The following ADAMTSL1 variants were observed in gnomAD, a reference collection of about 807,000 sequenced individuals.
ADAMTSL1 encodes the protein ADAMTS-like protein 1.
ADAMTSL1 carries 126 observed loss-of-function variants against 201.8 expected under a neutral mutation model. That is an observed-to-expected ratio of 0.62 (90% CI 0.54 to 0.72). The LOEUF (loss-of-function observed/expected upper bound fraction) is 0.72. ADAMTSL1 is among the 30% of genes least tolerant of loss of function. The pLI is 0.00. For missense variants in ADAMTSL1, 2,679 were observed against 2,277.8 expected (o/e 1.18, Z -3.59); for synonymous variants, 1,121 against 903.4 (o/e 1.24, Z -4.32).
intron 2 of ADAMTSL1, among the ~76,000 whole-genome samples, chr9:18,252,165 T>C (rs933131319): frequency 6.6e-6 from 1 of 152,064 alleles, no homozygotes; most frequent in African/African-American, 2.4e-5. Flanking sequence ...TTGCAGTACA[T>C]AGGAAAAATG....
At chr9:18,831,761 T>G (rs1433394231) in intron 23 of ADAMTSL1, among the ~76,000 whole-genome samples, 1 of 152,198 alleles carries the variant, frequency 6.6e-6, no homozygotes, top group East Asian at 1.9e-4. Flanking sequence ...TGTAACTGCC[T>G]GGACCAAATG....
chr9:18,388,045 T>C (rs1044244676), intron 2 of ADAMTSL1, among the ~76,000 whole-genome samples: 1 of 152,062 alleles, frequency 6.6e-6, no homozygotes, highest in Admixed American at 6.6e-5. Context: ...CTATTAATGC[T>C]TCTTTGTTTG....
At chr9:18,173,420 A>C (rs961721096) in intron 2 of ADAMTSL1, among the ~76,000 whole-genome samples, 2 of 152,148 alleles carry the variant, frequency 1.3e-5, no homozygotes, top group African/African-American at 4.8e-5. Flanking sequence ...AGGATGATGA[A>C]TCTCAGTACT....
At chr9:18,469,772 G>T (rs192415755), upstream of ADAMTSL1, among the ~76,000 whole-genome samples, 8 of 152,318 alleles carry the variant, frequency 5.3e-5, no homozygotes, top group Admixed American at 2.0e-4. Context: ...AGCAGACAGA[G>T]CAAAGTGTAG....
At chr9:17,912,305 G>A (rs1299940953) in intron 1 of ADAMTSL1, among the ~76,000 whole-genome samples, 1 of 64,732 alleles carries the variant, frequency 1.5e-5, no homozygotes, top group African/African-American at 3.1e-5. Context: ...CCCACCAACA[G>A]TGTAAAAGTG....
chr9:18,711,791 G>C (rs112886950), intron 14 of ADAMTSL1, among the ~76,000 whole-genome samples: 1 of 151,840 alleles, frequency 6.6e-6, no homozygotes, highest in African/African-American at 2.4e-5. Context: ...ACCTCTGGGG[G>C]CAGGGCACAG....
rs570668170 is a variant in ADAMTSL1, at chr9:18,232,742, A to G, written c.207+68761A>G. On this transcript the variant is annotated intron_variant, in intron 2 of 29. Coordinates refer to the ADAMTSL1 transcript ENST00000680146. Reference sequence around the variant, plus strand: ...ACCAAACTTGTCTTTCTGTATGTACATGACAGCAGTGTCATTATCATCATG... The same window carrying G: ...ACCAAACTTGTCTTTCTGTATGTACGTGACAGCAGTGTCATTATCATCATG... Among the ~76,000 whole-genome samples, 7 of 152,262 alleles carry G rather than the reference A, an allele frequency of 4.6e-5. No individual in the cohort carries two copies. In the South Asian group the frequency reaches 1.4e-3, roughly 32 times the overall value.
At chr9:18,232,285 A>G (rs1392019324) in intron 2 of ADAMTSL1, among the ~76,000 whole-genome samples, 1 of 151,980 alleles carries the variant, frequency 6.6e-6, no homozygotes, top group East Asian at 1.9e-4. Context: ...GATATCTACA[A>G]AGTTGTCCCC....
intron 1 of ADAMTSL1, among the ~76,000 whole-genome samples, chr9:17,960,117 G>A (rs911941257): frequency 2.6e-5 from 4 of 152,120 alleles, no homozygotes; most frequent in African/African-American, 9.7e-5. Flanking sequence ...TGTTTCCATT[G>A]TACTATTTTC....
chr9:18,829,738 A>T, intron 22 of ADAMTSL1, 105 bp from the exon 23 acceptor site: 1 of 1,390,400 alleles, frequency 7.2e-7, no homozygotes, highest in African/African-American at 1.4e-5. Flanking sequence ...TGCCTATCTT[A>T]CATATACGCA....
Position 18,336,173 on chromosome 9 carries a change from C to G in ADAMTSL1, c.208-168656C>G, listed in dbSNP as rs931256297. ...GAAACATTTAAAGAGTTTGTGTTCCCGGTAGATGGACCTATGAAAGAGCTT... is the reference window on the plus strand; with the variant it reads ...GAAACATTTAAAGAGTTTGTGTTCCGGGTAGATGGACCTATGAAAGAGCTT... On this transcript the variant is annotated intron_variant, in intron 2 of 29. Transcript: ENST00000680146. Among the ~76,000 whole-genome samples, 3 of 152,018 alleles carry G rather than the reference C, an allele frequency of 2.0e-5. No homozygotes were observed. In the South Asian group the frequency reaches 6.2e-4, roughly 31 times the overall value.
At position 18,762,324 on chromosome 9, in the gene ADAMTSL1, G is replaced by A. The variant is rs898390863; in HGVS notation, c.2218-8278G>A. Among the ~76,000 whole-genome samples, 22 of 152,024 alleles carry A rather than the reference G, an allele frequency of 1.4e-4. 1 individual carries two copies. Among genetic ancestry groups the A allele is most frequent in the African/African-American group, 5.1e-4 (21 of 41,396 alleles). Reference sequence around the variant, plus strand: ...CCAAAATGCAGAGGGGTTGGAGGAGGCTTTAATGAAGAAGTGGCCTTTAAA... The same window carrying A: ...CCAAAATGCAGAGGGGTTGGAGGAGACTTTAATGAAGAAGTGGCCTTTAAA... On this transcript the variant is annotated intron_variant, in intron 16 of 28. Transcript: ENST00000380548.
intron 21 of ADAMTSL1, among the ~76,000 whole-genome samples, chr9:18,820,395 G>T (rs1490735781): frequency 6.6e-6 from 1 of 152,066 alleles, no homozygotes; most frequent in African/African-American, 2.4e-5. Context: ...GAGTATTAAA[G>T]AAATTTTAGA....
At chr9:18,322,944 G>C (rs1427573691) in intron 2 of ADAMTSL1, among the ~76,000 whole-genome samples, 25 of 152,146 alleles carry the variant, frequency 1.6e-4, no homozygotes, top group Admixed American at 1.6e-3. Flanking sequence ...GTTTAGACTA[G>C]TGAGTTCTAT....
chr9:18,037,176 C>T (rs1017355307), intron 1 of ADAMTSL1, among the ~76,000 whole-genome samples: 11 of 152,178 alleles, frequency 7.2e-5, no homozygotes, highest in African/African-American at 2.7e-4. Context: ...GGGAAAAAAA[C>T]TTCAAGCTAG....
intron 1 of ADAMTSL1, among the ~76,000 whole-genome samples, chr9:18,033,933 C>A (rs982119225): frequency 6.6e-6 from 1 of 152,090 alleles, no homozygotes; most frequent in Non-Finnish European, 1.5e-5. Context: ...CAATAAAGTC[C>A]TTCTAACAAG....
rs188357119 is a variant in ADAMTSL1 at position 18,851,345 on chromosome 9, C to G, written c.4249+21368C>G. ...AATACCTGCTCTATGAATTTATGAT[C>G]GAGGAGGAAGGTTGTAGTGCTCCCC... On this transcript the variant is annotated intron_variant, in intron 23 of 28. Transcript: ENST00000380548. Among the ~76,000 whole-genome samples the G allele has an allele frequency of 2.6e-5, 4 of 152,148 alleles. No homozygotes were observed. The East Asian group carries it at 7.7e-4, about 29-fold the overall frequency.
At chr9:18,712,948 C>A (rs910966432) in intron 14 of ADAMTSL1, among the ~76,000 whole-genome samples, 1 of 150,784 alleles carries the variant, frequency 6.6e-6, no homozygotes, top group Non-Finnish European at 1.5e-5. Flanking sequence ...CAATATTCAA[C>A]ATTCTTAAAG....
intron 3 of ADAMTSL1, among the ~76,000 whole-genome samples, chr9:18,560,852 T>G (rs952883252): frequency 2.0e-5 from 3 of 150,860 alleles, no homozygotes; most frequent in African/African-American, 7.3e-5. Context: ...GGTGGTGATA[T>G]CCCCCTTATC....
Sources: gnomAD v4.1 joint callset for allele counts (sites outside exome capture counted in the v4.1 genomes callset) on GRCh38, gnomAD v4.1.1 for gene constraint, MANE v1.5 for transcripts, NCBI Gene and HGNC (gene_info 2026-07-23, HGNC 2026-07-21) for gene names.